The following ERGIC1 variants were observed in gnomAD, a reference collection of about 807,000 sequenced individuals.
ERGIC1 encodes the protein endoplasmic reticulum-golgi intermediate compartment 1, also known as endoplasmic reticulum-Golgi intermediate compartment protein 1.
In ERGIC1, 19 loss-of-function variants were observed where a neutral mutation model predicts 38.3. That is an observed-to-expected ratio of 0.50 (90% CI 0.35 to 0.73). The LOEUF is 0.73. Among genes scored for constraint, ERGIC1 ranks in the 30% least tolerant of loss-of-function variants. The pLI is 0.01. For missense variants in ERGIC1, 294 were observed against 389.2 expected, an observed-to-expected ratio of 0.76 and a Z score of 2.06; for synonymous variants, 124 against 157.6, an observed-to-expected ratio of 0.79 and a Z score of 1.60.
chr5:172,866,184 G>A (rs962234733), intron 1 of ERGIC1, among the ~76,000 whole-genome samples: 18 of 152,300 alleles, frequency 1.2e-4, no homozygotes, highest in African/African-American at 3.6e-4. Context: ...TGCTCTAGAG[G>A]TCAAGACAGT....
At chr5:172,902,379 C>G (rs1762905493) in intron 3 of ERGIC1, among the ~76,000 whole-genome samples, 1 of 152,018 alleles carries the variant, frequency 6.6e-6, no homozygotes, top group Non-Finnish European at 1.5e-5. Context: ...GTGAGCCAGG[C>G]TGGGTAGAGG....
intron 9 of ERGIC1, among the ~76,000 whole-genome samples, chr5:172,944,175 C>A (rs1469868786): frequency 6.6e-6 from 1 of 152,232 alleles, no homozygotes; most frequent in African/African-American, 2.4e-5. Context: ...GGTGCATGCA[C>A]TGGCCGAGGT....
At chr5:172,894,195 CTTTTTTT>C (rs34730943) in intron 2 of ERGIC1, among the ~76,000 whole-genome samples, 1 of 35,734 alleles carries the variant, frequency 2.8e-5, no homozygotes, top group Non-Finnish European at 4.5e-5. Flanking sequence ...ACAACTTTTT[CTTTTTTT>C]TTTTTTTTTT....
At chr5:172,933,394 G>C (rs565152166) in intron 8 of ERGIC1, 1 of 152,236 alleles carries the variant, frequency 6.6e-6, no homozygotes, top group Non-Finnish European at 1.5e-5. Context: ...CATCATGACA[G>C]CTCTGATGTT....
At chr5:172,914,517 G>C in intron 4 of ERGIC1, 197 bp from the exon 5 acceptor site, 1 of 841,508 alleles carries the variant, frequency 1.2e-6, no homozygotes, top group Non-Finnish European at 1.9e-6. Context: ...ACTATGCACT[G>C]CCCCCCTCGC....
chr5:172,928,294 G>T (rs570839979), intron 7 of ERGIC1, among the ~76,000 whole-genome samples: 1 of 152,280 alleles, frequency 6.6e-6, no homozygotes, highest in South Asian at 2.1e-4. Context: ...AGAGAAAAAA[G>T]CATGAGATCA....
intron 9 of ERGIC1, among the ~76,000 whole-genome samples, chr5:172,946,144 C>T (rs1289131401): frequency 1.3e-5 from 2 of 152,226 alleles, no homozygotes; most frequent in Admixed American, 6.5e-5. Flanking sequence ...TCATGCCACC[C>T]TCACCATGTC....
intron 6 of ERGIC1, among the ~76,000 whole-genome samples, chr5:172,925,710 C>G (rs1188692604): frequency 1.3e-5 from 2 of 152,178 alleles, no homozygotes. Flanking sequence ...TTTAACTTCC[C>G]ACTTTCCTCC....
At chr5:172,903,000 C>T (rs1169287785) in intron 3 of ERGIC1, among the ~76,000 whole-genome samples, 4 of 151,850 alleles carry the variant, frequency 2.6e-5, no homozygotes, top group Non-Finnish European at 4.4e-5. Flanking sequence ...CAGGCCCTTG[C>T]GTACCTCTCC....
intron 1 of ERGIC1, among the ~76,000 whole-genome samples, chr5:172,873,795 A>G (rs539682397): frequency 5.3e-5 from 8 of 152,330 alleles, no homozygotes; most frequent in Admixed American, 1.3e-4. Context: ...TTCTGTGGAC[A>G]GAGTAGGCCA....
chr5:172,893,014 TCCCCC>T lies in ERGIC1; in HGVS notation c.83-3986_83-3982del, dbSNP rs1255646311. On this transcript the variant is annotated intron_variant, in intron 2 of 9. Coordinates refer to ENST00000393784, the MANE Select transcript of ERGIC1 (RefSeq NM_001031711.3). ...GATTTCAGGAGGCCTTTCCATCCCA[TCCCCC>T]CAGCTCTGGTGCTCTGGTGTGGATA... Among the ~76,000 whole-genome samples, 3 of 151,994 alleles carry T rather than the reference TCCCCC, an allele frequency of 2.0e-5. No homozygotes were observed. In the South Asian group the frequency reaches 6.2e-4, roughly 32 times the overall value.
At chr5:172,859,830 G>A (rs1475807111) in intron 1 of ERGIC1, among the ~76,000 whole-genome samples, 2 of 152,212 alleles carry the variant, frequency 1.3e-5, no homozygotes, top group South Asian at 4.1e-4. Context: ...GGATTTGGAA[G>A]CCCGGTTTCT....
intron 9 of ERGIC1, among the ~76,000 whole-genome samples, chr5:172,943,476 G>T (rs1458061321): frequency 6.6e-6 from 1 of 152,014 alleles, no homozygotes; most frequent in Non-Finnish European, 1.5e-5. Flanking sequence ...AGCCTGATGA[G>T]ACTCCAATTC....
At chr5:172,934,530 A>G (rs1277501497) in intron 8 of ERGIC1, 1 of 154,762 alleles carries the variant, frequency 6.5e-6, no homozygotes, top group African/African-American at 2.4e-5. Flanking sequence ...CCCACGTGGC[A>G]TTTACACCCA....
rs889964445 is a variant in ERGIC1 at position 172,924,246 on chromosome 5, G to A, written c.480+137G>A. 11 of 832,472 alleles carry A rather than the reference G, an allele frequency of 1.3e-5. No homozygotes were observed. In the Admixed American group the frequency reaches 2.1e-4, roughly 16 times the overall value. 51.6% of individuals were successfully genotyped at this position (832,472 alleles called of 1,614,324 possible). Reference sequence around the variant, plus strand: ...ATCTAAGCCAAGCCTGGAAGGGTAAGAAGGGTTTCACCAGGAACAGAACAG... The same window carrying A: ...ATCTAAGCCAAGCCTGGAAGGGTAAAAAGGGTTTCACCAGGAACAGAACAG... On this transcript the variant is annotated intron_variant, in intron 6 of 9. Transcript: ENST00000393784.
rs551841248 is a variant in ERGIC1 at position 172,845,892 on chromosome 5, C to T, written c.20+11459C>T. 1.7e-4 allele frequency among the ~76,000 whole-genome samples: 26 copies of T among 152,074 alleles called. 1 individual carries two copies. In the South Asian group the frequency reaches 5.0e-3, roughly 29 times the overall value. On this transcript the variant is annotated intron_variant, in intron 1 of 9. Coordinates refer to ENST00000393784, the MANE Select transcript of ERGIC1 (RefSeq NM_001031711.3). Reference sequence around the variant, plus strand: ...CCATCGAAGGTCCCACATTTGCATTCAGAACCTGTGTGTCCCCAGGCTCCT... The same window carrying T: ...CCATCGAAGGTCCCACATTTGCATTTAGAACCTGTGTGTCCCCAGGCTCCT...
At chr5:172,908,889 G>T (rs976813985) in intron 3 of ERGIC1, among the ~76,000 whole-genome samples, 1 of 152,212 alleles carries the variant, frequency 6.6e-6, no homozygotes, top group Non-Finnish European at 1.5e-5. Context: ...TGGCTTCCCG[G>T]CTGGGGGAAG....
chr5:172,915,642 G>C, intron 5 of ERGIC1: 1 of 471,150 alleles, frequency 2.1e-6, no homozygotes. Flanking sequence ...GCTCGGTACT[G>C]TCACAGTGGA....
intron 9 of ERGIC1, chr5:172,937,157 T>C (rs1266668108): frequency 6.6e-6 from 1 of 151,960 alleles, no homozygotes; most frequent in Admixed American, 6.6e-5. Flanking sequence ...AAAGCAAAAA[T>C]CTCACACGCA....
Sources: allele counts gnomAD v4.1 joint callset (sites outside exome capture counted in the v4.1 genomes callset), GRCh38; gene constraint gnomAD v4.1.1; transcripts MANE v1.5; gene names NCBI Gene and HGNC (gene_info 2026-07-23, HGNC 2026-07-21).